The following VIL1 variants were observed in gnomAD, a reference collection of about 807,000 sequenced individuals.
The protein encoded by VIL1 is villin-1.
In VIL1, 86 loss-of-function variants were observed where a neutral mutation model predicts 104.0. That is an observed-to-expected ratio of 0.83 (90% confidence interval 0.69 to 0.99). The LOEUF (loss-of-function observed/expected upper bound fraction) is 0.99, where lower values mean the gene tolerates loss of function less well. VIL1 is among the 50% of genes least tolerant of loss of function. The pLI is 0.00. For missense variants in VIL1, 944 were observed against 1,054.1 expected (o/e 0.90, Z 1.45); for synonymous variants, 394 against 412.6 (o/e 0.95, Z 0.55).
Position 218,432,082 on chromosome 2 carries a change from G to T in VIL1, c.1240G>T (p.Asp414Tyr). 6.2e-7 allele frequency: 1 copy of T among 1,614,126 alleles called. No homozygotes were observed. Among genetic ancestry groups the T allele is most frequent in the South Asian group, 1.1e-5 (1 of 91,074 alleles). ...TGAGAACCTAGAGCTGGTACCTGTG[G>T]ATTCCAAGTGGCTAGGCCACTTCTA... Reference protein sequence around the residue: ...RIENLELVPVDSKWLGHFYGG... With the variant: ...RIENLELVPVYSKWLGHFYGG... The change falls in exon 12 of 20, where the codon GAT (aspartate) becomes TAT (tyrosine). Residue 414 changes from aspartate (D) to tyrosine (Y), a missense_variant. Physicochemically the swap from Asp to Tyr is radical, Grantham distance 160. Transcript: ENST00000248444.
intron 6 of VIL1, among the ~76,000 whole-genome samples, chr2:218,428,660 T>A (rs1312065141): frequency 6.6e-6 from 1 of 152,052 alleles, no homozygotes; most frequent in African/African-American, 2.4e-5. Context: ...ACTGCAGGCA[T>A]GTTTGGGTGC....
At position 218,430,893 on chromosome 2, in the gene VIL1, G is replaced by T; in HGVS notation, c.1102+15G>T. The T allele has an allele frequency of 6.2e-7, 1 of 1,604,946 alleles. No individual in the cohort carries two copies. The highest frequency in any genetic ancestry group is 8.5e-7 in the Non-Finnish European group (1 of 1,175,824). ...GGGCTCCGTGGGTGAGGGCCAGGCG[G>T]GGGCAGTGAGGGAGCCAGGATCCAG... On this transcript the variant is annotated intron_variant, in intron 10 of 19. Coordinates refer to ENST00000248444, the MANE Select transcript of VIL1 (RefSeq NM_007127.3).
At position 218,434,564 on chromosome 2, in the gene VIL1, C is replaced by CT. The variant is rs767552133; in HGVS notation, c.1540dup (p.Ser514PhefsTer19). 3.1e-6 allele frequency: 5 copies of CT among 1,613,872 alleles called. No homozygotes were observed. The South Asian group carries it at 5.5e-5, about 18-fold the overall frequency. On this transcript the variant is annotated frameshift_variant, in exon 14 of 20. Coordinates refer to ENST00000248444, the MANE Select transcript of VIL1 (RefSeq NM_007127.3). LOFTEE classifies it high-confidence loss of function. ...GAACTAACAACTTGGAGACCGGGCC[C>CT]TCCACACGGCTGTTCCAGGTCCAGG... is the stretch of plus-strand genomic sequence containing the variant.
In VIL1 at chr2:218,453,254, T is replaced by C. The variant is rs1689538924; in HGVS notation, c.*3918T>C. 6.6e-6 allele frequency: 1 copy of C among 151,252 alleles called. No individual in the cohort carries two copies. Among genetic ancestry groups the C allele is most frequent in the Non-Finnish European group, 1.5e-5 (1 of 67,998 alleles). The allele number at this position is 151,252 out of a possible 1,614,324, so 9.4% of individuals were successfully genotyped here. A position where few individuals can be genotyped will look rare whatever the true frequency, so the allele number is the denominator to read the frequency against. On this transcript the variant is annotated 3_prime_UTR_variant, in exon 20 of 20. Coordinates refer to ENST00000248444, the MANE Select transcript of VIL1 (RefSeq NM_007127.3). ...TTCTGTGATGATGGTTTGTGTTTTTTTTGTTTTTGTTTTCGTTTTTTTTAA... is the reference window on the plus strand; with the variant it reads ...TTCTGTGATGATGGTTTGTGTTTTTCTTGTTTTTGTTTTCGTTTTTTTTAA...
chr2:218,421,444 G>A (rs769188643), intron 1 of VIL1, among the ~76,000 whole-genome samples: 5 of 152,168 alleles, frequency 3.3e-5, no homozygotes, highest in Admixed American at 2.6e-4. Flanking sequence ...ACTGAAGGAG[G>A]AGACAACTCA....
rs1423443641 is a variant in VIL1, at chr2:218,434,675, C to T, written c.1650C>T (p.Thr550=). The change falls in exon 14 of 20, where the codon ACC becomes ACT. Residue 550 remains threonine, a synonymous_variant. Coordinates refer to ENST00000248444, the MANE Select transcript of VIL1 (RefSeq NM_007127.3). ...LNSNDVFVLK[T]QSCCYLWCGK... ...CCAATGATGTCTTTGTCCTCAAGAC[C>T]CAGTCTTGCTGCTATCTATGGTGTG... is the stretch of plus-strand genomic sequence containing the variant. The T allele has an allele frequency of 1.2e-6, 2 of 1,613,814 alleles. No individual in the cohort carries two copies. Among genetic ancestry groups the T allele is most frequent in the South Asian group, 1.1e-5 (1 of 91,050 alleles).
intron 19 of VIL1, among the ~76,000 whole-genome samples, chr2:218,443,493 C>A (rs1466193401): frequency 6.6e-6 from 1 of 151,932 alleles, no homozygotes; most frequent in African/African-American, 2.4e-5. Context: ...CCACGCCCGG[C>A]CAATAATGGA....
intron 19 of VIL1, among the ~76,000 whole-genome samples, chr2:218,444,700 G>A (rs1559151154): frequency 6.6e-6 from 1 of 152,186 alleles, no homozygotes. Flanking sequence ...ATCTTGCAAG[G>A]TGAGCCAGTG....
rs1473140296 is a variant in VIL1 at position 218,452,723 on chromosome 2, G to A, written c.*3387G>A. On this transcript the variant is annotated 3_prime_UTR_variant, in exon 20 of 20. Coordinates refer to ENST00000248444, the MANE Select transcript of VIL1 (RefSeq NM_007127.3). ...CAATTCAAATGAGGCTGCTTCATGA[G>A]GCAATCTAGACTTATGGCATTATTT... 1 of 152,172 alleles carries A rather than the reference G, an allele frequency of 6.6e-6. No individual in the cohort carries two copies. The highest frequency in any genetic ancestry group is 2.4e-5 in the African/African-American group (1 of 41,446). 9.4% of individuals were successfully genotyped at this position (152,172 alleles called of 1,614,324 possible).
intron 18 of VIL1, among the ~76,000 whole-genome samples, chr2:218,439,546 C>T (rs1448919279): frequency 6.6e-6 from 1 of 152,068 alleles, no homozygotes; most frequent in East Asian, 1.9e-4. Context: ...AGGCTGGGCA[C>T]AGTGGCTCAC....
At chr2:218,420,908 C>T (rs1688892298) in intron 1 of VIL1, among the ~76,000 whole-genome samples, 1 of 152,112 alleles carries the variant, frequency 6.6e-6, no homozygotes. Context: ...TGAGCACCTA[C>T]TATGTGCTAG....
chr2:218,435,518 C>A, intron 15 of VIL1, 84 bp downstream of exon 15: 2 of 1,513,546 alleles, frequency 1.3e-6, no homozygotes, highest in Non-Finnish European at 1.8e-6. Flanking sequence ...GAGCCTACAG[C>A]AGGCATGGAC....
chr2:218,425,172 C>T (rs1250796833), intron 3 of VIL1, among the ~76,000 whole-genome samples: 3 of 152,204 alleles, frequency 2.0e-5, no homozygotes. Context: ...ACTCTGCCTC[C>T]TGGATTCAAG....
At chr2:218,432,656 A>C (rs1295315120) in intron 12 of VIL1, 137 bp from the exon 13 acceptor site, 5 of 1,173,190 alleles carry the variant, frequency 4.3e-6, no homozygotes, top group Non-Finnish European at 6.1e-6. Context: ...TGGCTGTTTC[A>C]CAGTGGAGTT....
intron 13 of VIL1, 80 bp from the exon 14 acceptor site, chr2:218,434,446 C>T: frequency 6.9e-7 from 1 of 1,458,878 alleles, no homozygotes; most frequent in East Asian, 2.3e-5. Context: ...CCGCCCTACC[C>T]TATCCCCCTC....
intron 6 of VIL1, among the ~76,000 whole-genome samples, chr2:218,428,796 C>T (rs1233202922): frequency 6.6e-6 from 1 of 152,132 alleles, no homozygotes; most frequent in Non-Finnish European, 1.5e-5. Context: ...TTCAGCCTCC[C>T]GAGTAGCTGG....
Position 218,449,517 on chromosome 2 carries a change from C to T in VIL1, c.*181C>T. On this transcript the variant is annotated 3_prime_UTR_variant, in exon 20 of 20. Coordinates refer to ENST00000248444, the MANE Select transcript of VIL1 (RefSeq NM_007127.3). Reference sequence around the variant, plus strand: ...CCTATTCCTTCAGAAAGATGATACCCCAAAAGGAGCCTATGGTCCTCATTT... The same window carrying T: ...CCTATTCCTTCAGAAAGATGATACCTCAAAAGGAGCCTATGGTCCTCATTT... 1 of 523,598 alleles carries T rather than the reference C, an allele frequency of 1.9e-6. No homozygotes were observed. The highest frequency in any genetic ancestry group is 3.3e-5 in the East Asian group (1 of 30,048). 32.4% of individuals were successfully genotyped at this position (523,598 alleles called of 1,614,324 possible). A position where few individuals can be genotyped will look rare whatever the true frequency, so the allele number is the denominator to read the frequency against.
intron 19 of VIL1, among the ~76,000 whole-genome samples, chr2:218,445,384 G>C (rs1559151291): frequency 6.6e-6 from 1 of 152,110 alleles, no homozygotes; most frequent in Non-Finnish European, 1.5e-5. Context: ...CTGGGTGACA[G>C]AGCAGGAGGA....
At chr2:218,434,851 T>A in intron 14 of VIL1, 146 bp downstream of exon 14, 1 of 816,864 alleles carries the variant, frequency 1.2e-6, no homozygotes, top group Non-Finnish European at 1.9e-6. Context: ...GCCCAGTCTC[T>A]CCCTCCTCAG....
Sources: gnomAD v4.1 joint callset for allele counts (sites outside exome capture counted in the v4.1 genomes callset) on GRCh38, gnomAD v4.1.1 for gene constraint, MANE v1.5 for transcripts, NCBI Gene and HGNC (gene_info 2026-07-23, HGNC 2026-07-21) for gene names.